The following EPC2 variants were observed in gnomAD, a reference collection of about 807,000 sequenced individuals.
EPC2 encodes enhancer of polycomb 2.
EPC2 carries 14 observed loss-of-function variants against 92.1 expected under a neutral mutation model. The observed-to-expected ratio is 0.15, with a 90% CI of 0.10 to 0.24. The LOEUF is 0.24. Ranked by LOEUF, EPC2 falls within the 10% of genes least tolerant of loss-of-function variation. The pLI is 1.00. For missense variants in EPC2, 755 were observed against 971.5 expected (o/e 0.78, Z 2.96); for synonymous variants, 340 against 334.7 (o/e 1.02, Z -0.17).
intron 2 of EPC2, among the ~76,000 whole-genome samples, chr2:148,707,371 C>T (rs571683986): frequency 3.9e-4 from 60 of 152,162 alleles, no homozygotes; most frequent in Admixed American, 2.7e-3. Flanking sequence ...ACCTAAAAAG[C>T]GACTTAGACT....
intron 3 of EPC2, among the ~76,000 whole-genome samples, chr2:148,749,513 G>C (rs1026726293): frequency 6.7e-6 from 1 of 148,270 alleles, no homozygotes; most frequent in Non-Finnish European, 1.5e-5. Flanking sequence ...CATTTTAATT[G>C]TTTACTTGAT....
intron 2 of EPC2, among the ~76,000 whole-genome samples, chr2:148,743,160 A>G (rs1020505016): frequency 1.3e-5 from 2 of 152,080 alleles, no homozygotes; most frequent in African/African-American, 4.8e-5. Context: ...GTAGGAATTC[A>G]GCTTAATTTT....
intron 1 of EPC2, among the ~76,000 whole-genome samples, chr2:148,659,276 T>C (rs1479973791): frequency 2.0e-5 from 3 of 152,132 alleles, no homozygotes; most frequent in African/African-American, 7.2e-5. Flanking sequence ...TGTTTACCAC[T>C]TCCCTTCCAG....
chr2:148,730,900 G>A (rs1357439636), intron 2 of EPC2, among the ~76,000 whole-genome samples: 1 of 152,058 alleles, frequency 6.6e-6, no homozygotes, highest in African/African-American at 2.4e-5. Context: ...TTTTATATTT[G>A]TGCATATAAC....
At chr2:148,772,825 C>T (rs1281468793) in intron 10 of EPC2, among the ~76,000 whole-genome samples, 1 of 152,000 alleles carries the variant, frequency 6.6e-6, no homozygotes, top group Non-Finnish European at 1.5e-5. Context: ...TAAATCAAAT[C>T]TTTTTTCAGC....
Position 148,691,664 on chromosome 2 carries a change from G to C in EPC2, c.313+1291G>C, listed in dbSNP as rs1166067146. The C allele has an allele frequency of 2.6e-6, 4 of 1,522,052 alleles. No homozygotes were observed. The South Asian group carries it at 4.8e-5, about 18-fold the overall frequency. The allele number at this position is 1,522,052 out of a possible 1,614,324, so 94.3% of individuals were successfully genotyped here. A position where few individuals can be genotyped will look rare whatever the true frequency, so the allele number is the denominator to read the frequency against. Reference sequence around the variant, plus strand: ...AACCGGAGACCACGTTAAAGTTTTTGCTTGTTTGTTTTGTTCATTTGTTTT... The same window carrying C: ...AACCGGAGACCACGTTAAAGTTTTTCCTTGTTTGTTTTGTTCATTTGTTTT... On this transcript the variant is annotated intron_variant, in intron 2 of 13. Coordinates refer to ENST00000258484, the MANE Select transcript of EPC2 (RefSeq NM_015630.4).
intron 1 of EPC2, among the ~76,000 whole-genome samples, chr2:148,670,915 G>C (rs1457993631): frequency 2.6e-5 from 4 of 152,152 alleles, no homozygotes; most frequent in Admixed American, 2.6e-4. Context: ...TGAACTCCTA[G>C]GCTAAGCAGT....
intron 1 of EPC2, among the ~76,000 whole-genome samples, chr2:148,662,084 C>T (rs2105355422): frequency 6.6e-6 from 1 of 152,252 alleles, no homozygotes; most frequent in East Asian, 1.9e-4. Flanking sequence ...CATCACTGGC[C>T]ATCAGAGAAA....
At chr2:148,657,405 T>C (rs773880658) in intron 1 of EPC2, among the ~76,000 whole-genome samples, 4 of 152,062 alleles carry the variant, frequency 2.6e-5, no homozygotes, top group South Asian at 4.1e-4. Flanking sequence ...TTTCCAAAGA[T>C]ATAGGTCAGT....
intron 2 of EPC2, among the ~76,000 whole-genome samples, chr2:148,703,440 TG>T (rs1331258788): frequency 1.6e-4 from 3 of 18,906 alleles, no homozygotes; most frequent in East Asian, 6.0e-3. Flanking sequence ...ATCACCTGTT[TG>T]GTTTTTTTTT....
At position 148,781,736 on chromosome 2, in the gene EPC2, C is replaced by G; in HGVS notation, c.1813C>G (p.Gln605Glu). The G allele has an allele frequency of 6.2e-7, 1 of 1,614,010 alleles. No individual in the cohort carries two copies. Among genetic ancestry groups the G allele is most frequent in the Non-Finnish European group, 8.5e-7 (1 of 1,179,878 alleles). ...GCAACTTGCCCAGCTTCAGCAGAAA[C>G]AGCAATCTCAGCATTCCTCGCAACA... ...RQQLAQLQQK[Q>E]QSQHSSQQTH... Residue 605 changes from glutamine to glutamate, a missense_variant, in exon 11 of 14, where the codon CAG (glutamine) becomes GAG (glutamate). Physicochemically the swap from Gln to Glu is conservative, Grantham distance 29. Coordinates refer to ENST00000258484, the MANE Select transcript of EPC2 (RefSeq NM_015630.4).
At chr2:148,656,015 G>GTGTGTGTGTA in intron 1 of EPC2, among the ~76,000 whole-genome samples, 1 of 110,322 alleles carries the variant, frequency 9.1e-6, no homozygotes, top group East Asian at 2.5e-4. Context: ...GTGTGTGTGT[G>GTGTGTGTGTA]TGTGTGTGTG....
intron 1 of EPC2, among the ~76,000 whole-genome samples, chr2:148,668,940 C>T (rs548554300): frequency 6.6e-6 from 1 of 152,010 alleles, no homozygotes; most frequent in African/African-American, 2.4e-5. Context: ...TTTTGTTCTT[C>T]CAGGTTTTTA....
At chr2:148,728,104 C>G (rs75746102) in intron 2 of EPC2, among the ~76,000 whole-genome samples, 1 of 152,152 alleles carries the variant, frequency 6.6e-6, no homozygotes, top group Non-Finnish European at 1.5e-5. Flanking sequence ...ATCCTCCTGC[C>G]TGAGCCTCCC....
At chr2:148,736,191 AG>A (rs1682751144) in intron 2 of EPC2, among the ~76,000 whole-genome samples, 1 of 152,198 alleles carries the variant, frequency 6.6e-6, no homozygotes, top group Non-Finnish European at 1.5e-5. Context: ...CTGATTTTTT[AG>A]TACTCTCCAG....
At chr2:148,709,441 T>C (rs1179588282) in intron 2 of EPC2, among the ~76,000 whole-genome samples, 2 of 152,188 alleles carry the variant, frequency 1.3e-5, no homozygotes, top group African/African-American at 2.4e-5. Context: ...ATAGATTAAA[T>C]GCCATCCCCA....
intron 2 of EPC2, among the ~76,000 whole-genome samples, chr2:148,695,925 T>G (rs1303118647): frequency 3.9e-5 from 6 of 152,222 alleles, no homozygotes; most frequent in African/African-American, 1.4e-4. Context: ...TGGATCTCAA[T>G]TTCAGGTGAT....
intron 2 of EPC2, among the ~76,000 whole-genome samples, chr2:148,731,443 C>T (rs1246669886): frequency 1.3e-5 from 2 of 152,212 alleles, no homozygotes; most frequent in Non-Finnish European, 1.5e-5. Context: ...ACTCTTGTCA[C>T]CCAGGCTGGA....
intron 1 of EPC2, among the ~76,000 whole-genome samples, chr2:148,678,440 G>A (rs774557608): frequency 2.6e-5 from 4 of 152,260 alleles, no homozygotes; most frequent in Non-Finnish European, 4.4e-5. Context: ...ACTGGGTGCC[G>A]TGGAGCAGGG....
Sources: gnomAD v4.1 joint callset for allele counts (sites outside exome capture counted in the v4.1 genomes callset) on GRCh38, gnomAD v4.1.1 for gene constraint, MANE v1.5 for transcripts, NCBI Gene and HGNC (gene_info 2026-07-23, HGNC 2026-07-21) for gene names.